Variants in SSPN observed in about 807,000 individuals in gnomAD.
SSPN encodes the protein K-ras oncogene-associated protein.
A neutral mutation model predicts 19.1 loss-of-function variants in SSPN; 15 were observed. The observed-to-expected ratio is 0.78, with a 90% CI of 0.52 to 1.21. The LOEUF is 1.21. SSPN is among the 50% of genes most tolerant of loss of function. The pLI is 0.00. For missense variants in SSPN, 291 were observed against 314.0 expected (o/e 0.93, Z 0.55); for synonymous variants, 147 against 140.3 (o/e 1.05, Z -0.34).
At position 26,201,022 on chromosome 12, in the gene SSPN, T is replaced by TATATATATATATTATATATATATATA. The variant is rs1944874748; in HGVS notation, c.279+5083_279+5084insTATATATATATATAATATATATATAT. ...AGAAGTTAATTTGTGTATATATATA[T>TATATATATATATTATATATATATATA]ATATATATATATATATATATATATT... is the stretch of plus-strand genomic sequence containing the variant. On this transcript the variant is annotated intron_variant, in intron 1 of 2. Transcript: ENST00000242729. Among the ~76,000 whole-genome samples, 8 of 34,674 alleles carry TATATATATATATTATATATATATATA rather than the reference T, an allele frequency of 2.3e-4. No homozygotes were observed. In the South Asian group the frequency reaches 5.7e-3, roughly 25 times the overall value. The allele number at this position is 34,674 out of a possible 152,430, so 22.7% of individuals were successfully genotyped here.
At chr12:26,148,567 C>T (rs570787231) in intron 1 of SSPN, among the ~76,000 whole-genome samples, 19 of 152,258 alleles carry the variant, frequency 1.2e-4, no homozygotes, top group African/African-American at 1.9e-4. Flanking sequence ...CTCTACTTAA[C>T]GTTTTACGAT....
At chr12:26,184,887 G>A (rs926082887) in intron 1 of SSPN, among the ~76,000 whole-genome samples, 2 of 151,998 alleles carry the variant, frequency 1.3e-5, no homozygotes, top group Non-Finnish European at 2.9e-5. Flanking sequence ...AAATATCCAT[G>A]TCCCATGAGC....
chr12:26,138,908 A>G (rs1944444030), intron 1 of SSPN, among the ~76,000 whole-genome samples: 1 of 152,178 alleles, frequency 6.6e-6, no homozygotes, highest in Non-Finnish European at 1.5e-5. Flanking sequence ...GTGATCATGA[A>G]TTTGCTATGA....
intron 1 of SSPN, among the ~76,000 whole-genome samples, chr12:26,199,044 G>A (rs1944855516): frequency 6.6e-6 from 1 of 152,070 alleles, no homozygotes; most frequent in African/African-American, 2.4e-5. Flanking sequence ...CTTTATTCTG[G>A]TTGCCTCTTC....
chr12:26,207,928 A>G (rs954697129), intron 1 of SSPN, among the ~76,000 whole-genome samples: 6 of 149,610 alleles, frequency 4.0e-5, no homozygotes, highest in African/African-American at 1.5e-4. Flanking sequence ...TGAACCTGGG[A>G]GGTTGAGACA....
At chr12:26,183,744 T>C (rs1223047447) in intron 1 of SSPN, among the ~76,000 whole-genome samples, 2 of 152,222 alleles carry the variant, frequency 1.3e-5, no homozygotes, top group Non-Finnish European at 2.9e-5. Flanking sequence ...AAACAGGGAA[T>C]GCCGCAAGTT....
At chr12:26,180,856 A>G (rs1298018482) in intron 1 of SSPN, 1 of 152,242 alleles carries the variant, frequency 6.6e-6, no homozygotes, top group Non-Finnish European at 1.5e-5. Context: ...TAAATAGAGC[A>G]TATGGAGGGA....
At chr12:26,201,690 T>C (rs962054445) in intron 1 of SSPN, among the ~76,000 whole-genome samples, 1 of 152,174 alleles carries the variant, frequency 6.6e-6, no homozygotes, top group Admixed American at 6.5e-5. Flanking sequence ...AAAGTTAGTC[T>C]CTGGAAGCTT....
chr12:26,214,610 C>T (rs1360592328), intron 1 of SSPN: 1 of 152,112 alleles, frequency 6.6e-6, no homozygotes, highest in Non-Finnish European at 1.5e-5. Context: ...ACCCTGTCTC[C>T]TTAATTATGT....
intron 1 of SSPN, among the ~76,000 whole-genome samples, chr12:26,205,121 GTT>G (rs1944919990): frequency 6.6e-6 from 1 of 152,202 alleles, no homozygotes; most frequent in South Asian, 2.1e-4. Context: ...TGCTGAAGAA[GTT>G]CTGTTGGACC....
intron 1 of SSPN, among the ~76,000 whole-genome samples, chr12:26,201,440 A>G (rs1944884646): frequency 6.6e-6 from 1 of 152,048 alleles, no homozygotes; most frequent in Non-Finnish European, 1.5e-5. Context: ...TTTCAGTAAT[A>G]GAATAAAGAA....
chr12:26,186,686 C>T (rs1386114633), intron 1 of SSPN, among the ~76,000 whole-genome samples: 2 of 152,222 alleles, frequency 1.3e-5, no homozygotes, highest in Non-Finnish European at 2.9e-5. Flanking sequence ...ACCTGGGTTA[C>T]TGCCTAAGTC....
intron 1 of SSPN, among the ~76,000 whole-genome samples, chr12:26,182,215 A>G (rs1944722782): frequency 6.6e-6 from 1 of 152,208 alleles, no homozygotes; most frequent in Non-Finnish European, 1.5e-5. Context: ...TTACTCACTC[A>G]TTCAGTCAGT....
Position 26,143,952 on chromosome 12 carries a change from A to G in SSPN, c.-31+21800A>G, listed in dbSNP as rs58742111. Among the ~76,000 whole-genome samples the G allele has an allele frequency of 1.9e-3, 285 of 152,308 alleles. 2 individuals carry two copies. The highest frequency in any genetic ancestry group is 6.7e-3 in the African/African-American group (277 of 41,556). On this transcript the variant is annotated intron_variant, in intron 1 of 2. Coordinates refer to the SSPN transcript ENST00000538142. ...AGAATCTAATGCCTGATGATCCATC[A>G]CTGTCTCCCATCACCCCCACATGGG... is the stretch of plus-strand genomic sequence containing the variant.
intron 1 of SSPN, among the ~76,000 whole-genome samples, chr12:26,149,968 CA>C (rs1944515645): frequency 6.6e-6 from 1 of 152,126 alleles, no homozygotes; most frequent in African/African-American, 2.4e-5. Context: ...CATATACTCG[CA>C]AGGTCAATAC....
intron 1 of SSPN, among the ~76,000 whole-genome samples, chr12:26,131,752 C>T (rs1022776098): frequency 6.6e-6 from 1 of 152,170 alleles, no homozygotes; most frequent in Non-Finnish European, 1.5e-5. Flanking sequence ...GGTATTAAGG[C>T]AGGTGTCTTA....
chr12:26,189,964 A>G (rs548585373), intron 1 of SSPN, among the ~76,000 whole-genome samples: 285 of 152,290 alleles, frequency 1.9e-3, no homozygotes, highest in African/African-American at 6.7e-3. Flanking sequence ...CCTAAGATAG[A>G]TAGATTTGGG....
intron 1 of SSPN, chr12:26,124,799 C>T: frequency 6.2e-7 from 1 of 1,614,036 alleles, no homozygotes; most frequent in Non-Finnish European, 8.5e-7. Flanking sequence ...CTGTTCGTTT[C>T]CTCTGTTTCG....
At chr12:26,142,303 A>T (rs142440035) in intron 1 of SSPN, among the ~76,000 whole-genome samples, 15 of 152,126 alleles carry the variant, frequency 9.9e-5, no homozygotes, top group Non-Finnish European at 1.9e-4. Context: ...GAGATGGGAA[A>T]CCAGTTGGGA....
Sources: gnomAD v4.1 joint callset for allele counts (sites outside exome capture counted in the v4.1 genomes callset) on GRCh38, gnomAD v4.1.1 for gene constraint, MANE v1.5 for transcripts, NCBI Gene and HGNC (gene_info 2026-07-23, HGNC 2026-07-21) for gene names.